LOXHD1: variants seen among roughly 807,000 people sequenced by gnomAD.
The protein encoded by LOXHD1 is lipoxygenase homology domain-containing protein 1.
Under a neutral mutation model 248.2 loss-of-function variants are expected in LOXHD1, and 205 were observed. That is an observed-to-expected ratio of 0.83 (90% CI 0.74 to 0.93). The LOEUF is 0.93. Ranked by LOEUF, LOXHD1 falls within the 40% of genes least tolerant of loss-of-function variation. LOXHD1 has a pLI of 0.00. For missense variants in LOXHD1, 2,930 were observed against 2,971.6 expected (o/e 0.99, Z 0.33); for synonymous variants, 1,113 against 1,162.8 (o/e 0.96, Z 0.87).
chr18:46,589,123 G>A (rs2038117420), intron 12 of LOXHD1, among the ~76,000 whole-genome samples: 1 of 152,194 alleles, frequency 6.6e-6, no homozygotes, highest in Non-Finnish European at 1.5e-5. Flanking sequence ...TGAGGAAACA[G>A]CAAACTGTTC....
chr18:46,597,227 T>G (rs2038270103), intron 8 of LOXHD1, among the ~76,000 whole-genome samples: 3 of 152,124 alleles, frequency 2.0e-5, no homozygotes, highest in Admixed American at 2.0e-4. Flanking sequence ...TTTCCCATAT[T>G]AAGTATGTAC....
At chr18:46,540,001 A>G (rs1275820986) in intron 25 of LOXHD1, among the ~76,000 whole-genome samples, 1 of 152,226 alleles carries the variant, frequency 6.6e-6, no homozygotes, top group Non-Finnish European at 1.5e-5. Context: ...TACTTGCAGT[A>G]GTAATAGTAG....
intron 1 of LOXHD1, among the ~76,000 whole-genome samples, chr18:46,655,517 G>A (rs1441038434): frequency 6.6e-6 from 1 of 152,204 alleles, no homozygotes; most frequent in African/African-American, 2.4e-5. Flanking sequence ...ATGCTGCCCT[G>A]ATGTCTCACC....
At chr18:46,485,365 G>A (rs2032969054) in intron 38 of LOXHD1, among the ~76,000 whole-genome samples, 1 of 152,010 alleles carries the variant, frequency 6.6e-6, no homozygotes, top group Non-Finnish European at 1.5e-5. Flanking sequence ...TTTATTTATA[G>A]TAGCAACCTC....
At chr18:46,483,819 C>T in intron 39 of LOXHD1, 74 bp from the exon 40 acceptor site, 2 of 1,491,520 alleles carry the variant, frequency 1.3e-6, no homozygotes, top group Non-Finnish European at 9.0e-7. Flanking sequence ...CGGGGGCCTG[C>T]TGCATTCCAA....
intron 5 of LOXHD1, among the ~76,000 whole-genome samples, chr18:46,616,620 A>C (rs2038591318): frequency 6.6e-6 from 1 of 152,064 alleles, no homozygotes; most frequent in African/African-American, 2.4e-5. Flanking sequence ...TTTTTCTTGA[A>C]GTATATCCTT....
chr18:46,478,403 C>T (rs1260362703), intron 40 of LOXHD1, among the ~76,000 whole-genome samples: 2 of 152,114 alleles, frequency 1.3e-5, no homozygotes, highest in East Asian at 3.9e-4. Flanking sequence ...TGTCTAGTAT[C>T]TATCTGCCCT....
intron 21 of LOXHD1, among the ~76,000 whole-genome samples, chr18:46,548,705 G>A (rs1158461933): frequency 6.6e-6 from 1 of 152,140 alleles, no homozygotes; most frequent in Non-Finnish European, 1.5e-5. Context: ...TCAGAGCAGA[G>A]GTGGAGACAG....
chr18:46,616,516 A>G (rs1477949951), intron 5 of LOXHD1, among the ~76,000 whole-genome samples: 2 of 152,174 alleles, frequency 1.3e-5, no homozygotes, highest in Non-Finnish European at 1.5e-5. Context: ...GTTGTTTTGT[A>G]TAGTCAATGC....
At chr18:46,510,633 G>A (rs1432506277) in intron 34 of LOXHD1, among the ~76,000 whole-genome samples, 2 of 152,102 alleles carry the variant, frequency 1.3e-5, no homozygotes, top group Admixed American at 6.5e-5. Context: ...GGCAATCGTC[G>A]TGCTTCCTTG....
chr18:46,584,140 A>T (rs529013679), intron 12 of LOXHD1, among the ~76,000 whole-genome samples: 31 of 152,172 alleles, frequency 2.0e-4, no homozygotes, highest in Middle Eastern at 3.4e-3. Flanking sequence ...GGAATATTTT[A>T]AAAAAAAGAG....
rs2038939039 is a variant in LOXHD1 at position 46,639,699 on chromosome 18, T to C, written c.428A>G (p.Asn143Ser). ...ACCTTCCACCTTGCTCAGCCAGTTG[T>C]TGCAGTTGAAGTAGTAACGGAGATG... ...RPHLRYYFNC[N>S]NWLSKVEGDR... The change falls in exon 4 of 41, where the codon AAC (asparagine) becomes AGC (serine). Residue 143 changes from asparagine (N) to serine (S), a missense_variant. By Grantham distance (46) the Asn-to-Ser change is conservative. Transcript: ENST00000642948. The C allele has an allele frequency of 6.4e-7, 1 of 1,551,642 alleles. No individual in the cohort carries two copies. Among genetic ancestry groups the C allele is most frequent in the Non-Finnish European group, 8.7e-7 (1 of 1,147,008 alleles).
At chr18:46,519,067 G>C in intron 33 of LOXHD1, 2 of 985,510 alleles carry the variant, frequency 2.0e-6, no homozygotes, top group Non-Finnish European at 2.4e-6. Flanking sequence ...CCCCACCTCG[G>C]TTCTTCCTCT....
intron 33 of LOXHD1, among the ~76,000 whole-genome samples, chr18:46,519,362 A>G (rs2035447725): frequency 6.6e-6 from 1 of 152,116 alleles, no homozygotes; most frequent in South Asian, 2.1e-4. Context: ...TCCAAACCGG[A>G]GCTATTAATC....
chr18:46,518,461 C>A (rs1452783205), intron 33 of LOXHD1, among the ~76,000 whole-genome samples: 1 of 152,238 alleles, frequency 6.6e-6, no homozygotes, highest in Non-Finnish European at 1.5e-5. Flanking sequence ...CAGTCCCACC[C>A]TAGAAAGGAG....
At chr18:46,623,856 A>G (rs2038702212) in intron 4 of LOXHD1, among the ~76,000 whole-genome samples, 1 of 152,252 alleles carries the variant, frequency 6.6e-6, no homozygotes, top group Non-Finnish European at 1.5e-5. Context: ...AGGCAGAGCC[A>G]TGAGGGGGCC....
intron 40 of LOXHD1, 134 bp downstream of exon 40, chr18:46,483,453 G>A (rs2032752496): frequency 9.4e-7 from 1 of 1,066,768 alleles, no homozygotes; most frequent in Admixed American, 2.1e-5. Context: ...CTGCCTTCTA[G>A]GCCTCCTGAA....
intron 4 of LOXHD1, among the ~76,000 whole-genome samples, chr18:46,634,640 A>G (rs542272312): frequency 3.9e-5 from 6 of 152,332 alleles, no homozygotes; most frequent in Admixed American, 3.9e-4. Context: ...CTATGCAAGC[A>G]TTCCAAAATC....
At chr18:46,535,244 A>G (rs9946967) in intron 26 of LOXHD1, among the ~76,000 whole-genome samples, 27,809 of 152,050 alleles carry the variant, frequency 0.18, 2,740 homozygotes, top group African/African-American at 0.24. Context: ...AAAACCTAGA[A>G]CAGTGCCCAT....
Sources: allele counts gnomAD v4.1 joint callset (sites outside exome capture counted in the v4.1 genomes callset), GRCh38; gene constraint gnomAD v4.1.1; transcripts MANE v1.5; gene names NCBI Gene and HGNC (gene_info 2026-07-23, HGNC 2026-07-21).